The following NYNRIN variants were observed in gnomAD, a reference collection of about 807,000 sequenced individuals.
NYNRIN encodes NYN domain and retroviral integrase containing.
In NYNRIN, 86 loss-of-function variants were observed where a neutral mutation model predicts 146.6. That is an observed-to-expected ratio of 0.59 (90% CI 0.49 to 0.70). NYNRIN has a LOEUF of 0.70. Ranked by LOEUF, NYNRIN falls within the 30% of genes least tolerant of loss-of-function variation. The pLI is 0.00. For missense variants in NYNRIN, 2,191 were observed against 2,377.7 expected (o/e 0.92, Z 1.63); for synonymous variants, 1,027 against 1,001.3 (o/e 1.03, Z -0.48).
chr14:24,408,413 G>A lies in NYNRIN; in HGVS notation c.743G>A (p.Gly248Glu), dbSNP rs368004631. 1.2e-6 allele frequency: 2 copies of A among 1,613,636 alleles called. No individual in the cohort carries two copies. Among genetic ancestry groups the A allele is most frequent in the East Asian group, 2.2e-5 (1 of 44,892 alleles). ...AGTCCTGGACCCTTTGTGGACATGG[G>A]GACCCTCCAGAACAGGGGCCCAGAA... The part of the protein sequence containing the change: ...GESPGPFVDM[G>E]TLQNRGPENS... Residue 248 changes from glycine to glutamate, a missense_variant, in exon 3 of 9, where the codon GGG (glycine) becomes GAG (glutamate). Around this residue, in one of 3 missense-constraint regions of NYNRIN, gnomAD observed 895 missense variants for 941.2 expected, o/e 0.95. Transcript: ENST00000382554.
Position 24,411,352 on chromosome 14 carries a change from A to G in NYNRIN, c.2546-2A>G, listed in dbSNP as rs748103261. On this transcript the variant is annotated splice_acceptor_variant, in intron 5 of 8. Coordinates refer to ENST00000382554, the MANE Select transcript of NYNRIN (RefSeq NM_025081.3). LOFTEE classifies it high-confidence loss of function. This position sits in a 1 kb window ranked among gnomAD's most constrained non-coding sequence, Gnocchi z 4.3. ...TTTCTGTCTTCTGCCTTTCACCCCC[A>G]GAGAGCCACTTTCTGACGAAGCTAC... 6.2e-7 allele frequency: 1 copy of G among 1,613,924 alleles called. No homozygotes were observed. The highest frequency in any genetic ancestry group is 8.5e-7 in the Non-Finnish European group (1 of 1,179,872).
At chr14:24,414,249 G>GC (rs1313472921) in intron 8 of NYNRIN, among the ~76,000 whole-genome samples, 1 of 152,184 alleles carries the variant, frequency 6.6e-6, no homozygotes, top group African/African-American at 2.4e-5. Context: ...TGGTGACACT[G>GC]CCCCCCCTTT....
chr14:24,403,629 C>T (rs1318056203), intron 2 of NYNRIN, among the ~76,000 whole-genome samples: 1 of 152,194 alleles, frequency 6.6e-6, no homozygotes, highest in Non-Finnish European at 1.5e-5. Context: ...GTGTAATGAC[C>T]ATTGTCACCC....
At position 24,409,903 on chromosome 14, in the gene NYNRIN, C is replaced by T; in HGVS notation, c.2109C>T (p.Val703=). The change falls in exon 4 of 9, where the codon GTC becomes GTT. Residue 703 remains valine (V), a synonymous_variant. Transcript: ENST00000382554. ...ATGTAGCCAGACTTCTGAGTGAGGTCCAGCCTACATCAAGGGCTAGTGTCT... is the reference window on the plus strand; with the variant it reads ...ATGTAGCCAGACTTCTGAGTGAGGTTCAGCCTACATCAAGGGCTAGTGTCT... ...TLDVARLLSE[V]QPTSRASVSL... 1 of 1,613,582 alleles carries T rather than the reference C, an allele frequency of 6.2e-7. No individual in the cohort carries two copies. Among genetic ancestry groups the T allele is most frequent in the South Asian group, 1.1e-5 (1 of 90,926 alleles).
At position 24,407,899 on chromosome 14, in the gene NYNRIN, C is replaced by G; in HGVS notation, c.229C>G (p.Leu77Val). 6.2e-7 allele frequency: 1 copy of G among 1,613,310 alleles called. No homozygotes were observed. The highest frequency in any genetic ancestry group is 8.5e-7 in the Non-Finnish European group (1 of 1,179,478). Residue 77 changes from leucine (L) to valine (V), a missense_variant, in exon 3 of 9, where the codon CTG (leucine) becomes GTG (valine). Physicochemically the swap from Leu to Val is conservative, Grantham distance 32. This residue lies in a region of NYNRIN where 895 missense variants were observed against 941.2 expected (regional missense o/e 0.95). Transcript: ENST00000382554. ...EYLKGLCSPELWKEVRYPPIL... is the reference protein window; with the variant it reads ...EYLKGLCSPEVWKEVRYPPIL... ...CCTGAAGGGCCTGTGCAGCCCAGAGCTGTGGAAAGAGGTTCGCTACCCACC... is the reference window on the plus strand; with the variant it reads ...CCTGAAGGGCCTGTGCAGCCCAGAGGTGTGGAAAGAGGTTCGCTACCCACC...
Position 24,408,213 on chromosome 14 carries a change from G to T in NYNRIN, c.543G>T (p.Leu181=), listed in dbSNP as rs759836430. The change falls in exon 3 of 9, where the codon CTG becomes CTT. Residue 181 remains leucine, a synonymous_variant. Coordinates refer to ENST00000382554, the MANE Select transcript of NYNRIN (RefSeq NM_025081.3). ...GDQHAGDLLQ[L]PPAVQELLLS... is the part of the protein sequence containing the mutation. ...AGCATGCAGGGGACCTACTGCAGCTGCCCCCAGCGGTCCAGGAGCTGCTGC... is the reference window on the plus strand; with the variant it reads ...AGCATGCAGGGGACCTACTGCAGCTTCCCCCAGCGGTCCAGGAGCTGCTGC... The T allele has an allele frequency of 1.9e-6, 3 of 1,603,208 alleles. No individual in the cohort carries two copies. Among genetic ancestry groups the T allele is most frequent in the East Asian group, 4.5e-5 (2 of 44,682 alleles).
chr14:24,403,984 G>A (rs1377905436), intron 2 of NYNRIN, among the ~76,000 whole-genome samples: 2 of 152,170 alleles, frequency 1.3e-5, no homozygotes, highest in African/African-American at 4.8e-5. Flanking sequence ...TTTTTTCTCT[G>A]GAAGTTGTCA....
rs138357391 is a variant in NYNRIN, at chr14:24,404,394, A to C, written c.199-3475A>C. Among the ~76,000 whole-genome samples, 42 of 152,286 alleles carry C rather than the reference A, an allele frequency of 2.8e-4. No homozygotes were observed. The East Asian group carries it at 8.1e-3, about 29-fold the overall frequency. ...TTTAAATCCAATTTGAAACGTATGT[A>C]TTCTATTCTTGTTTAGTGTCTACCA... On this transcript the variant is annotated intron_variant, in intron 2 of 8. Coordinates refer to ENST00000382554, the MANE Select transcript of NYNRIN (RefSeq NM_025081.3).
chr14:24,409,330 C>A lies in NYNRIN; in HGVS notation c.1536C>A (p.Pro512=), dbSNP rs372925821. 1 of 1,614,010 alleles carries A rather than the reference C, an allele frequency of 6.2e-7. No individual in the cohort carries two copies. Among genetic ancestry groups the A allele is most frequent in the Non-Finnish European group, 8.5e-7 (1 of 1,179,898 alleles). ...QLDFKGLEEG[P]APVLPTGQGK... ...ATTTTAAGGGACTGGAAGAGGGACC[C>A]GCTCCAGTGCTGCCAACAGGGCAAG... The change falls in exon 4 of 9, where the codon CCC becomes CCA. Residue 512 remains proline, a synonymous_variant. Transcript: ENST00000382554.
Position 24,416,848 on chromosome 14 carries a change from A to C in NYNRIN, c.5099A>C (p.Gln1700Pro). The C allele has an allele frequency of 6.2e-7, 1 of 1,609,116 alleles. No individual in the cohort carries two copies. The highest frequency in any genetic ancestry group is 8.5e-7 in the Non-Finnish European group (1 of 1,177,012). The change falls in exon 9 of 9, where the codon CAG (glutamine) becomes CCG (proline). Residue 1700 changes from glutamine to proline, a missense_variant. Physicochemically the swap from Gln to Pro is moderately conservative, Grantham distance 76. Coordinates refer to ENST00000382554, the MANE Select transcript of NYNRIN (RefSeq NM_025081.3). ...LVSCGLALGA[Q>P]VASLSRDLQF... ...AGCTGTGGGCTGGCCCTGGGAGCCCAGGTGGCCTCCCTGAGTCGGGACCTC... is the reference window on the plus strand; with the variant it reads ...AGCTGTGGGCTGGCCCTGGGAGCCCCGGTGGCCTCCCTGAGTCGGGACCTC...
Position 24,416,181 on chromosome 14 carries a change from T to C in NYNRIN, c.4432T>C (p.Leu1478=), listed in dbSNP as rs1418787092. 1.2e-6 allele frequency: 2 copies of C among 1,613,804 alleles called. No homozygotes were observed. Among genetic ancestry groups the C allele is most frequent in the Non-Finnish European group, 1.7e-6 (2 of 1,179,882 alleles). Residue 1478 remains leucine, a synonymous_variant, in exon 9 of 9, where the codon TTG becomes CTG. Transcript: ENST00000382554. The stretch of plus-strand genomic sequence containing the variant: ...CCATGCCATGGGCAAGAGGCCCAAT[T>C]TGCTGGCATTACAGCTGAGTGACAG... ...SPHAMGKRPN[L]LALQLSDSTL... is the part of the protein sequence containing the mutation.
At chr14:24,400,571 TC>T (rs1483018481) in intron 2 of NYNRIN, among the ~76,000 whole-genome samples, 13 of 152,022 alleles carry the variant, frequency 8.6e-5, no homozygotes, top group South Asian at 2.1e-4. Context: ...AGCTGCTAGG[TC>T]AGCAGTTTTT....
At chr14:24,413,861 C>G (rs1305974657) in intron 8 of NYNRIN, among the ~76,000 whole-genome samples, 1 of 152,148 alleles carries the variant, frequency 6.6e-6, no homozygotes, top group African/African-American at 2.4e-5. Flanking sequence ...TCTTTGTATC[C>G]AAGGGAAGCT....
intron 4 of NYNRIN, 147 bp downstream of exon 4, chr14:24,410,355 A>G (rs1185215616): frequency 7.5e-6 from 5 of 663,582 alleles, no homozygotes; most frequent in African/African-American, 3.6e-5. Context: ...ATCCATGTTG[A>G]ATGGCTCCTG....
In NYNRIN at chr14:24,415,491, C is replaced by T. The variant is rs531016898; in HGVS notation, c.3742C>T (p.Arg1248Cys). The change falls in exon 9 of 9, where the codon CGC becomes TGC. Residue 1248 changes from arginine (R) to cysteine (C), a missense_variant. Arg to Cys is a radical substitution (Grantham distance 180). Coordinates refer to ENST00000382554, the MANE Select transcript of NYNRIN (RefSeq NM_025081.3). Reference sequence around the variant, plus strand: ...TGCGGACCCTGAGGTGCGGGAGGGCCGCAGGGTTTCCAAAGCTTGGTTGAT... The same window carrying T: ...TGCGGACCCTGAGGTGCGGGAGGGCTGCAGGGTTTCCAAAGCTTGGTTGAT... ...TTADPEVREG[R>C]RVSKAWLIRW... 1.2e-5 allele frequency: 19 copies of T among 1,613,824 alleles called. No homozygotes were observed. Among genetic ancestry groups the T allele is most frequent in the Middle Eastern group, 1.6e-4 (1 of 6,062 alleles).
At chr14:24,410,395 T>C (rs1439051173) in intron 4 of NYNRIN, among the ~76,000 whole-genome samples, 187 bp downstream of exon 4, 1 of 152,200 alleles carries the variant, frequency 6.6e-6, no homozygotes, top group Non-Finnish European at 1.5e-5. Context: ...GGAATCCTCA[T>C]AGCAGCCCTC....
chr14:24,413,897 A>T (rs992319325), intron 8 of NYNRIN, among the ~76,000 whole-genome samples: 3 of 152,054 alleles, frequency 2.0e-5, no homozygotes, highest in African/African-American at 7.2e-5. Flanking sequence ...ACCAAGTAGG[A>T]TTTTTTTCTA....
rs1196783032 is a variant in NYNRIN, at chr14:24,416,091, G to A, written c.4342G>A (p.Gly1448Ser). ...AVTVDTLAKQGAQGGGQWWSL... is the reference protein window; with the variant it reads ...AVTVDTLAKQSAQGGGQWWSL... ...GACAGTGGACACCCTGGCCAAGCAG[G>A]GTGCCCAGGGGGGTGGGCAGTGGTG... is the stretch of plus-strand genomic sequence containing the variant. The change falls in exon 9 of 9, where the codon GGT becomes AGT. Residue 1448 changes from glycine (G) to serine (S), a missense_variant. By Grantham distance (56) the Gly-to-Ser change is moderately conservative (BLOSUM62 0). Coordinates refer to ENST00000382554, the MANE Select transcript of NYNRIN (RefSeq NM_025081.3). The A allele has an allele frequency of 6.2e-7, 1 of 1,614,000 alleles. No individual in the cohort carries two copies. Among genetic ancestry groups the A allele is most frequent in the Admixed American group, 1.7e-5 (1 of 60,024 alleles).
At position 24,418,476 on chromosome 14, in the gene NYNRIN, C is replaced by T. The variant is rs1173584112; in HGVS notation, c.*1030C>T. 1 of 345,436 alleles carries T rather than the reference C, an allele frequency of 2.9e-6. No homozygotes were observed. Among genetic ancestry groups the T allele is most frequent in the African/African-American group, 2.2e-5 (1 of 46,072 alleles). The allele number at this position is 345,436 out of a possible 1,614,324, so 21.4% of individuals were successfully genotyped here. On this transcript the variant is annotated 3_prime_UTR_variant, in exon 9 of 9. Transcript: ENST00000382554. ...GTGTGATTGCTTCATCTGTATCACC[C>T]CCCGAGTCCTGTGGACCTGCCTTCT...
Sources: gnomAD v4.1 joint callset for allele counts (sites outside exome capture counted in the v4.1 genomes callset) on GRCh38, gnomAD v4.1.1 for gene constraint, gnomAD v4.1.1 regional missense constraint, Gnocchi (gnomAD v3.1) non-coding constraint, MANE v1.5 for transcripts, NCBI Gene and HGNC (gene_info 2026-07-23, HGNC 2026-07-21) for gene names.